NAT10: variants seen among roughly 807,000 people sequenced by gnomAD.
The protein encoded by NAT10 is N-acetyltransferase 10.
Under a neutral mutation model 132.2 loss-of-function variants are expected in NAT10, and 109 were observed. That is an observed-to-expected ratio of 0.82 (90% CI 0.71 to 0.97). The LOEUF (loss-of-function observed/expected upper bound fraction) is 0.97. Ranked by LOEUF, NAT10 falls within the 50% of genes least tolerant of loss-of-function variation. NAT10 has a pLI of 0.00. For missense variants in NAT10, 1,184 were observed against 1,263.4 expected (o/e 0.94, Z 0.95); for synonymous variants, 479 against 478.0 (o/e 1.00, Z -0.03).
At chr11:34,129,585 T>TTCG (rs1852065093) in intron 12 of NAT10, among the ~76,000 whole-genome samples, 1 of 141,934 alleles carries the variant, frequency 7.0e-6, no homozygotes, top group Admixed American at 7.2e-5. Context: ...TTTTTTCACT[T>TTCG]TCTTCTTCTT....
At position 34,131,370 on chromosome 11, in the gene NAT10, G is replaced by A. The variant is rs748752419; in HGVS notation, c.1370-11G>A. On this transcript the variant is annotated splice_polypyrimidine_tract_variant and intron_variant, in intron 13 of 28. Transcript: ENST00000257829. ...TGTTTCTTCTTTTGTGTGTGTGATT[G>A]TGGGGAGCAGCGCGGACACTGTATG... The A allele has an allele frequency of 6.3e-7, 1 of 1,597,896 alleles. No homozygotes were observed. Among genetic ancestry groups the A allele is most frequent in the Non-Finnish European group, 8.5e-7 (1 of 1,171,776 alleles).
At position 34,133,097 on chromosome 11, in the gene NAT10, G is replaced by GT; in HGVS notation, c.1689_1690insT (p.Pro564SerfsTer19). On this transcript the variant is annotated frameshift_variant, in exon 16 of 29. Transcript: ENST00000257829. LOFTEE classifies it high-confidence loss of function. Reference sequence around the variant, plus strand: ...ATCTCTTCTGCCTTCTGCCTCCCGTGCCCCCCACCCAGAATGCCCTTCCAG... The same window carrying GT: ...ATCTCTTCTGCCTTCTGCCTCCCGTGTCCCCCCACCCAGAATGCCCTTCCAG... 1 of 1,613,992 alleles carries GT rather than the reference G, an allele frequency of 6.2e-7. No homozygotes were observed. The highest frequency in any genetic ancestry group is 8.5e-7 in the Non-Finnish European group (1 of 1,179,920).
At chr11:34,137,096 A>C in intron 21 of NAT10, 70 bp downstream of exon 21, 3 of 1,550,540 alleles carry the variant, frequency 1.9e-6, no homozygotes, top group Admixed American at 1.7e-5. Flanking sequence ...CTGTCCTTGC[A>C]AAGAGCCCTA....
chr11:34,129,538 A>G (rs1215062573), intron 12 of NAT10, among the ~76,000 whole-genome samples: 1 of 149,862 alleles, frequency 6.7e-6, no homozygotes, highest in African/African-American at 2.5e-5. Context: ...GTCCCTTTTC[A>G]GATATGATTT....
chr11:34,116,237 T>G (rs1353023592), intron 6 of NAT10, among the ~76,000 whole-genome samples: 1 of 152,098 alleles, frequency 6.6e-6, no homozygotes, highest in Admixed American at 6.5e-5. Flanking sequence ...AACTTTTTAT[T>G]ATGAATATGA....
intron 28 of NAT10, among the ~76,000 whole-genome samples, chr11:34,145,576 T>C (rs1040625421): frequency 6.6e-6 from 1 of 152,180 alleles, no homozygotes; most frequent in Non-Finnish European, 1.5e-5. Flanking sequence ...GTTACTGTTG[T>C]TTGGGTTTTC....
At chr11:34,137,149 T>C (rs867875819) in intron 21 of NAT10, 123 bp downstream of exon 21, 10 of 1,014,418 alleles carry the variant, frequency 9.9e-6, no homozygotes, top group African/African-American at 4.8e-5. Flanking sequence ...GCTGTGCCTC[T>C]GAAGAGGTTT....
chr11:34,119,507 G>A (rs1165987006), intron 8 of NAT10, among the ~76,000 whole-genome samples: 1 of 152,202 alleles, frequency 6.6e-6, no homozygotes. Context: ...TCACAAAAGA[G>A]AAGGAGTGAG....
chr11:34,112,595 C>A (rs1276599013), intron 4 of NAT10, among the ~76,000 whole-genome samples: 1 of 152,186 alleles, frequency 6.6e-6, no homozygotes, highest in East Asian at 1.9e-4. Flanking sequence ...GACTTGTTTT[C>A]CAACCGGATA....
At chr11:34,118,545 A>T in intron 8 of NAT10, 42 bp downstream of exon 8, 1 of 1,535,952 alleles carries the variant, frequency 6.5e-7, no homozygotes, top group South Asian at 1.2e-5. Context: ...AGGTAGTAAA[A>T]CATAGCATAC....
In NAT10 at chr11:34,122,441, A is replaced by G. The variant is rs758546728; in HGVS notation, c.781-18A>G. The G allele has an allele frequency of 5.0e-6, 8 of 1,614,022 alleles. No homozygotes were observed. The South Asian group carries it at 5.5e-5, about 11-fold the overall frequency. ...GGGTCTTTCTTGGAGTTCACCTAAT[A>G]TGTTTCTGTTTCCACAGGCCAAAGC... is the stretch of plus-strand genomic sequence containing the variant. On this transcript the variant is annotated intron_variant, in intron 8 of 28. Transcript: ENST00000257829.
In NAT10 at chr11:34,118,254, C is replaced by T; in HGVS notation, c.632C>T (p.Ser211Phe). The change falls in exon 7 of 29, where the codon TCC becomes TTC. Residue 211 changes from serine (S) to phenylalanine (F), a missense_variant. Transcript: ENST00000257829. The stretch of plus-strand genomic sequence containing the variant: ...CAGCTCAACATCCTGCCCATCTCCT[C>T]CCACGTTGCCACCATGGAGGCCCTG... Reference protein sequence around the residue: ...DDQLNILPISSHVATMEALPP... With the variant: ...DDQLNILPISFHVATMEALPP... 1 of 1,614,184 alleles carries T rather than the reference C, an allele frequency of 6.2e-7. No individual in the cohort carries two copies. Among genetic ancestry groups the T allele is most frequent in the Non-Finnish European group, 8.5e-7 (1 of 1,180,032 alleles).
At chr11:34,125,452 C>T (rs1851970544) in intron 11 of NAT10, among the ~76,000 whole-genome samples, 1 of 152,234 alleles carries the variant, frequency 6.6e-6, no homozygotes, top group African/African-American at 2.4e-5. Context: ...AGTGTGAGCA[C>T]AGAGGAGGTG....
chr11:34,128,387 A>C (rs766625696), intron 12 of NAT10, among the ~76,000 whole-genome samples: 65 of 151,844 alleles, frequency 4.3e-4, no homozygotes, highest in Non-Finnish European at 8.1e-4. Context: ...AAGAAAAATC[A>C]CCTGTAATTC....
chr11:34,132,269 T>A, intron 15 of NAT10, 48 bp downstream of exon 15: 1 of 1,437,810 alleles, frequency 7.0e-7, no homozygotes. Context: ...AGCTTCAGCA[T>A]TTGGCAGTCC....
At chr11:34,143,347 G>A in intron 27 of NAT10, 98 bp from the exon 28 acceptor site, 1 of 1,058,430 alleles carries the variant, frequency 9.4e-7, no homozygotes, top group Non-Finnish European at 1.4e-6. Flanking sequence ...TTTCATGACA[G>A]GAAGTGTCTG....
chr11:34,130,689 G>T (rs891020296), intron 12 of NAT10, 124 bp from the exon 13 acceptor site: 1 of 1,268,288 alleles, frequency 7.9e-7, no homozygotes, highest in African/African-American at 1.5e-5. Flanking sequence ...TCAGAGATGA[G>T]CAAGGCTGTC....
chr11:34,113,704 C>T lies in NAT10; in HGVS notation c.373-12C>T. ...TGCATGACCAGCCCTTTCTAACGCC[C>T]CCTTCTTCCAGGATTTTGAAGCCTT... On this transcript the variant is annotated splice_polypyrimidine_tract_variant and intron_variant, in intron 4 of 28. Coordinates refer to ENST00000257829, the MANE Select transcript of NAT10 (RefSeq NM_024662.3). 6.2e-7 allele frequency: 1 copy of T among 1,611,462 alleles called. No homozygotes were observed. The highest frequency in any genetic ancestry group is 8.5e-7 in the Non-Finnish European group (1 of 1,179,192).
intron 5 of NAT10, among the ~76,000 whole-genome samples, chr11:34,114,820 A>G (rs185067542): frequency 4.6e-5 from 7 of 152,196 alleles, no homozygotes; most frequent in African/African-American, 1.7e-4. Context: ...ACCTAAAGTT[A>G]TTATTATTAT....
Sources: gnomAD v4.1 joint callset for allele counts (sites outside exome capture counted in the v4.1 genomes callset) on GRCh38, gnomAD v4.1.1 for gene constraint, MANE v1.5 for transcripts, NCBI Gene and HGNC (gene_info 2026-07-23, HGNC 2026-07-21) for gene names.